The following PARP8 variants were observed in gnomAD, a reference collection of about 807,000 sequenced individuals.
The protein encoded by PARP8 is poly(ADP-ribose) polymerase family member 8, also known as protein mono-ADP-ribosyltransferase PARP8.
Under a neutral mutation model 124.1 loss-of-function variants are expected in PARP8, and 51 were observed. That is an observed-to-expected ratio of 0.41 (90% CI 0.33 to 0.52). The LOEUF is 0.52. Ranked by LOEUF, PARP8 falls within the 20% of genes least tolerant of loss-of-function variation. The pLI, the probability that PARP8 is intolerant of heterozygous loss-of-function variation, is 0.21. For synonymous variants in PARP8, 391 were observed against 361.5 expected (o/e 1.08, Z -0.93); for missense variants, 860 against 1,018.9 (o/e 0.84, Z 2.12).
chr5:50,720,951 C>T (rs1442494553), intron 2 of PARP8, among the ~76,000 whole-genome samples: 1 of 151,986 alleles, frequency 6.6e-6, no homozygotes, highest in African/African-American at 2.4e-5. Flanking sequence ...GGGAAACCTT[C>T]AGCTTGGAGC....
chr5:50,679,040 A>G (rs570626647), intron 2 of PARP8, among the ~76,000 whole-genome samples: 14 of 152,190 alleles, frequency 9.2e-5, no homozygotes, highest in Non-Finnish European at 1.9e-4. Flanking sequence ...TTGAATAACA[A>G]TTTCTAATAA....
At chr5:50,690,604 C>A (rs1752390776) in intron 2 of PARP8, among the ~76,000 whole-genome samples, 1 of 152,162 alleles carries the variant, frequency 6.6e-6, no homozygotes, top group African/African-American at 2.4e-5. Context: ...TTGCCAATGG[C>A]AGCTCAGCTT....
At chr5:50,683,760 C>G (rs535533128) in intron 2 of PARP8, among the ~76,000 whole-genome samples, 1 of 152,116 alleles carries the variant, frequency 6.6e-6, no homozygotes, top group African/African-American at 2.4e-5. Flanking sequence ...GTTCTAATAG[C>G]AAACAGAAAT....
intron 2 of PARP8, 172 bp downstream of exon 2, chr5:50,668,297 G>A (rs1174948012): frequency 1.6e-6 from 1 of 633,242 alleles, no homozygotes; most frequent in Non-Finnish European, 2.8e-6. Flanking sequence ...CAGGAGGAGG[G>A]GAATCAATGT....
At chr5:50,815,554 A>T in intron 15 of PARP8, 30 bp downstream of exon 15, 1 of 1,518,190 alleles carries the variant, frequency 6.6e-7, no homozygotes. Flanking sequence ...ATTATTTCTT[A>T]TTTTGCTTTG....
chr5:50,679,441 T>A (rs62366941), intron 2 of PARP8, among the ~76,000 whole-genome samples: 2,985 of 152,106 alleles, frequency 0.02, 44 homozygotes, highest in Middle Eastern at 0.048. Context: ...TGTATTTCCC[T>A]TTCTTTAGTT....
In PARP8 at chr5:50,749,483, G is replaced by A. The variant is rs564160246; in HGVS notation, c.147-668G>A. 1.4e-4 allele frequency among the ~76,000 whole-genome samples: 21 copies of A among 152,122 alleles called. 1 individual carries two copies. Among genetic ancestry groups the A allele is most frequent in the African/African-American group, 4.3e-4 (18 of 41,512 alleles). On this transcript the variant is annotated intron_variant, in intron 2 of 25. Transcript: ENST00000281631. ...GAACAGATAAATATGTTCAATTTTC[G>A]TATGTCATATGAGGTAAGTACATAG...
Position 50,740,044 on chromosome 5 carries a change from C to T in PARP8, c.147-10107C>T, listed in dbSNP as rs73101051. Among the ~76,000 whole-genome samples, 142 of 152,100 alleles carry T rather than the reference C, an allele frequency of 9.3e-4. 1 individual carries two copies. The highest frequency in any genetic ancestry group is 3.3e-3 in the African/African-American group (135 of 41,474). Reference sequence around the variant, plus strand: ...GATTACAGGCATGAGCTACTGCGCCCGGCCTGGGTTTATATATTTTTAGTA... The same window carrying T: ...GATTACAGGCATGAGCTACTGCGCCTGGCCTGGGTTTATATATTTTTAGTA... On this transcript the variant is annotated intron_variant, in intron 2 of 25. Transcript: ENST00000281631.
intron 2 of PARP8, among the ~76,000 whole-genome samples, chr5:50,726,669 T>C (rs1447866354): frequency 1.3e-5 from 2 of 152,150 alleles, no homozygotes; most frequent in Admixed American, 6.5e-5. Flanking sequence ...ACTGGTCTCA[T>C]GTAGACTTGC....
chr5:50,675,210 G>A (rs535866415), intron 2 of PARP8, among the ~76,000 whole-genome samples: 2 of 152,196 alleles, frequency 1.3e-5, no homozygotes, highest in Non-Finnish European at 2.9e-5. Flanking sequence ...CTAGGATGGT[G>A]TCTTTCTGAA....
intron 2 of PARP8, among the ~76,000 whole-genome samples, chr5:50,684,066 T>A (rs2149449509): frequency 6.6e-6 from 1 of 152,338 alleles, no homozygotes; most frequent in East Asian, 1.9e-4. Flanking sequence ...AGTGGCTTTT[T>A]AGCTGGTTCT....
At chr5:50,809,885 G>C (rs1744247561) in intron 14 of PARP8, among the ~76,000 whole-genome samples, 1 of 151,922 alleles carries the variant, frequency 6.6e-6, no homozygotes, top group Non-Finnish European at 1.5e-5. Context: ...TACATAGCTA[G>C]ATTCTTAGAG....
At chr5:50,772,095 C>T (rs1180219852) in intron 7 of PARP8, among the ~76,000 whole-genome samples, 1 of 152,146 alleles carries the variant, frequency 6.6e-6, no homozygotes, top group Non-Finnish European at 1.5e-5. Flanking sequence ...ACTTACATCA[C>T]GCAGTGTTTG....
intron 22 of PARP8, among the ~76,000 whole-genome samples, chr5:50,830,266 A>G (rs1162230621): frequency 5.9e-5 from 9 of 152,224 alleles, no homozygotes; most frequent in Non-Finnish European, 1.2e-4. Context: ...GGCACTGAGA[A>G]GTACACATAC....
intron 14 of PARP8, among the ~76,000 whole-genome samples, chr5:50,813,694 G>A (rs1651357584): frequency 6.6e-6 from 1 of 152,128 alleles, no homozygotes; most frequent in African/African-American, 2.4e-5. Context: ...AATGCTTCCA[G>A]TTTTTGCCCT....
intron 2 of PARP8, among the ~76,000 whole-genome samples, chr5:50,680,964 T>A (rs1201164735): frequency 6.6e-6 from 1 of 152,144 alleles, no homozygotes; most frequent in African/African-American, 2.4e-5. Flanking sequence ...ACCTTAAGTG[T>A]GTTAGAAATT....
intron 2 of PARP8, among the ~76,000 whole-genome samples, chr5:50,717,508 T>C (rs950036879): frequency 1.3e-5 from 2 of 151,852 alleles, no homozygotes; most frequent in African/African-American, 2.4e-5. Context: ...GTGAGGTTAG[T>C]ATATAGGGAA....
rs1742395558 is a variant in PARP8 at position 50,795,171 on chromosome 5, A to G, written c.1182A>G (p.Arg394=). ...LLTRSCSGDP[R]CEHNTNLKPH... ...CTCGATCTTGTTCTGGAGATCCACG[A>G]TGTGAGCACAACACAAACTTGAAGC... Residue 394 remains arginine, a synonymous_variant, in exon 12 of 26, where the codon CGA becomes CGG. Transcript: ENST00000281631. 9 of 1,614,094 alleles carry G rather than the reference A, an allele frequency of 5.6e-6. No individual in the cohort carries two copies. Among genetic ancestry groups the G allele is most frequent in the African/African-American group, 1.3e-5 (1 of 74,932 alleles).
chr5:50,747,631 T>A (rs1166811049), intron 2 of PARP8, among the ~76,000 whole-genome samples: 2 of 152,022 alleles, frequency 1.3e-5, no homozygotes, highest in African/African-American at 2.4e-5. Context: ...TTACGAATGA[T>A]CTCTTTATAT....
Sources: allele counts gnomAD v4.1 joint callset (sites outside exome capture counted in the v4.1 genomes callset), GRCh38; gene constraint gnomAD v4.1.1; transcripts MANE v1.5; gene names NCBI Gene and HGNC (gene_info 2026-07-23, HGNC 2026-07-21).